The following CALN1 variants were observed in gnomAD, a reference collection of about 807,000 sequenced individuals.
CALN1 encodes the protein calneuron 1, also known as calcium-binding protein 8.
Under a neutral mutation model 30.6 loss-of-function variants are expected in CALN1, and 17 were observed. The ratio of observed to expected loss-of-function variants is 0.56; its 90% CI spans 0.38 to 0.83. The LOEUF is 0.83. Ranked by LOEUF, CALN1 falls within the 40% of genes least tolerant of loss-of-function variation. The probability of loss-of-function intolerance (pLI) is 0.00; values close to 1 mark genes in which losing one functional copy is unlikely to be tolerated. For missense variants in CALN1, 291 were observed against 354.9 expected, an observed-to-expected ratio of 0.82 and a Z score of 1.45; for synonymous variants, 156 against 131.4, an observed-to-expected ratio of 1.19 and a Z score of -1.28.
At chr7:72,107,548 C>T (rs1276769371) in intron 3 of CALN1, among the ~76,000 whole-genome samples, 1 of 152,188 alleles carries the variant, frequency 6.6e-6, no homozygotes, top group East Asian at 1.9e-4. Flanking sequence ...CACCCAGAGT[C>T]CCCTTCTCCA....
At chr7:72,308,403 G>GAGAA (rs1562868436) in intron 2 of CALN1, among the ~76,000 whole-genome samples, 1 of 129,598 alleles carries the variant, frequency 7.7e-6, no homozygotes, top group Non-Finnish European at 1.6e-5. Context: ...GAGAGAGAGA[G>GAGAA]AGGAAAGAAA....
intron 5 of CALN1, among the ~76,000 whole-genome samples, chr7:71,837,467 A>T (rs543307210): frequency 1.9e-4 from 29 of 152,202 alleles, no homozygotes; most frequent in Non-Finnish European, 4.0e-4. Flanking sequence ...CTTGGATACA[A>T]CAGAGAGATT....
At chr7:72,285,336 C>T (rs1178898333) in intron 2 of CALN1, among the ~76,000 whole-genome samples, 3 of 152,148 alleles carry the variant, frequency 2.0e-5, no homozygotes, top group African/African-American at 7.2e-5. Flanking sequence ...CTCCGCCTCC[C>T]GGGTTCATGC....
At chr7:72,444,337 T>C (rs1008472212) in intron 1 of CALN1, among the ~76,000 whole-genome samples, 1 of 152,038 alleles carries the variant, frequency 6.6e-6, no homozygotes, top group African/African-American at 2.4e-5. Context: ...TAATTACAGT[T>C]CAAATTTCCC....
intron 5 of CALN1, among the ~76,000 whole-genome samples, chr7:71,851,252 C>CACAT (rs1491431075): frequency 1.6e-4 from 24 of 149,572 alleles, no homozygotes; most frequent in Non-Finnish European, 2.4e-4. Context: ...CACACACACA[C>CACAT]ATCACACATA....
chr7:72,381,774 G>C (rs1050437350), intron 2 of CALN1, among the ~76,000 whole-genome samples: 1 of 152,060 alleles, frequency 6.6e-6, no homozygotes, highest in Admixed American at 6.6e-5. Context: ...CCTAGATGAC[G>C]GGTTGATAGG....
chr7:71,846,018 A>C (rs987073207), intron 5 of CALN1, among the ~76,000 whole-genome samples: 2 of 152,028 alleles, frequency 1.3e-5, no homozygotes, highest in South Asian at 4.2e-4. Context: ...CCACTACTGC[A>C]CTCTAGCCTG....
At chr7:72,208,062 A>T (rs934793874) in intron 3 of CALN1, among the ~76,000 whole-genome samples, 4 of 152,256 alleles carry the variant, frequency 2.6e-5, no homozygotes, top group Non-Finnish European at 4.4e-5. Context: ...AATAAAACAG[A>T]GAGGCTTTTT....
chr7:72,252,725 G>A (rs530169611), intron 3 of CALN1, among the ~76,000 whole-genome samples: 5 of 151,968 alleles, frequency 3.3e-5, no homozygotes, highest in African/African-American at 9.7e-5. Flanking sequence ...ACCGTATCTC[G>A]TCTGGATTAT....
chr7:72,380,320 G>T (rs1804808596), intron 2 of CALN1, among the ~76,000 whole-genome samples: 1 of 152,182 alleles, frequency 6.6e-6, no homozygotes, highest in African/African-American at 2.4e-5. Flanking sequence ...AATTCTCAAA[G>T]AAAGAGCCTA....
intron 5 of CALN1, among the ~76,000 whole-genome samples, chr7:71,919,184 G>A (rs1306972143): frequency 6.6e-6 from 1 of 152,120 alleles, no homozygotes; most frequent in African/African-American, 2.4e-5. Context: ...TCTTCAGACT[G>A]GCCTCCCAGA....
chr7:71,939,572 CAAA>C (rs35583884), intron 5 of CALN1, among the ~76,000 whole-genome samples: 2 of 131,526 alleles, frequency 1.5e-5, no homozygotes, highest in Non-Finnish European at 3.2e-5. Flanking sequence ...GATGTTGTCT[CAAA>C]AAAAAAAAAA....
intron 5 of CALN1, among the ~76,000 whole-genome samples, chr7:72,019,157 A>G (rs1171465000): frequency 2.0e-5 from 3 of 151,948 alleles, no homozygotes; most frequent in Non-Finnish European, 4.4e-5. Flanking sequence ...GGCCTGGAAG[A>G]AGGATTTTAT....
intron 3 of CALN1, among the ~76,000 whole-genome samples, chr7:72,153,481 C>T (rs568402891): frequency 1.3e-5 from 2 of 151,436 alleles, no homozygotes; most frequent in Admixed American, 6.6e-5. Flanking sequence ...GAGTTCAAGT[C>T]CAGCCTGGGT....
At chr7:72,489,203 TGGAAACAGG>T in the CALN1 span, among the ~76,000 whole-genome samples, 2 of 152,084 alleles carry the variant, frequency 1.3e-5, no homozygotes, top group East Asian at 1.9e-4. Context: ...ATCTCCTCTT[TGGAAACAGG>T]GGAAACAGGC....
At chr7:72,310,936 AAAG>A (rs1486384367) in intron 2 of CALN1, among the ~76,000 whole-genome samples, 3 of 151,392 alleles carry the variant, frequency 2.0e-5, no homozygotes, top group South Asian at 4.2e-4. Flanking sequence ...AAACAAAAAT[AAAG>A]AAGAAGAAAA....
At chr7:72,411,707 G>A (rs1254480686) in intron 1 of CALN1, among the ~76,000 whole-genome samples, 1 of 152,108 alleles carries the variant, frequency 6.6e-6, no homozygotes, top group African/African-American at 2.4e-5. Context: ...GAAACTAACT[G>A]GAAGACACAG....
intron 1 of CALN1, among the ~76,000 whole-genome samples, chr7:72,440,091 G>C (rs992860322): frequency 6.6e-6 from 1 of 152,108 alleles, no homozygotes; most frequent in Non-Finnish European, 1.5e-5. Flanking sequence ...ATCATCTCAC[G>C]GACAACAAAA....
intron 2 of CALN1, among the ~76,000 whole-genome samples, chr7:72,313,437 G>A (rs1352882602): frequency 1.3e-5 from 2 of 152,072 alleles, no homozygotes; most frequent in Admixed American, 6.6e-5. Flanking sequence ...TGTCACCCAG[G>A]CTGAAGTGGA....
Sources: allele counts gnomAD v4.1 joint callset (sites outside exome capture counted in the v4.1 genomes callset), GRCh38; gene constraint gnomAD v4.1.1; transcripts MANE v1.5; gene names NCBI Gene and HGNC (gene_info 2026-07-23, HGNC 2026-07-21).